Variants in PDZD2 observed in about 807,000 individuals in gnomAD.
PDZD2 encodes the protein PDZ domain containing 2, also known as PDZ domain-containing protein 2.
In PDZD2, 90 loss-of-function variants were observed where a neutral mutation model predicts 220.7. The observed-to-expected ratio is 0.41, with a 90% CI of 0.34 to 0.49. The LOEUF (loss-of-function observed/expected upper bound fraction) is 0.49. Ranked by LOEUF, PDZD2 falls within the 20% of genes least tolerant of loss-of-function variation. The pLI is 0.28. For synonymous variants in PDZD2, 1,375 were observed against 1,450.5 expected, an observed-to-expected ratio of 0.95 and a Z score of 1.18; for missense variants, 3,174 against 3,608.5, an observed-to-expected ratio of 0.88 and a Z score of 3.08.
chr5:31,894,145 A>G (rs957826554), intron 2 of PDZD2, among the ~76,000 whole-genome samples: 5 of 142,598 alleles, frequency 3.5e-5, no homozygotes, highest in African/African-American at 1.3e-4. Flanking sequence ...ACTCCTGACC[A>G]CAGGTGATCC....
At chr5:31,689,225 T>A (rs143405400) in intron 1 of PDZD2, among the ~76,000 whole-genome samples, 260 of 148,900 alleles carry the variant, frequency 1.7e-3, no homozygotes, top group Admixed American at 2.7e-3. Context: ...CTTGCCAGCA[T>A]GCCTGGCTAA....
At chr5:31,840,776 A>G (rs974115741) in intron 2 of PDZD2, 24 of 811,518 alleles carry the variant, frequency 3.0e-5, no homozygotes, top group Middle Eastern at 2.3e-4. Flanking sequence ...GCTGGGGAAC[A>G]TTGTAGACTC....
In PDZD2 at chr5:31,935,120, G is replaced by T. The variant is rs918801359; in HGVS notation, c.477-48035G>T. ...AAAAAAGAAAGAAAATAGAATGGCT[G>T]CAAGAAGTAAACAGAGGATGTTTGC... On this transcript the variant is annotated intron_variant, in intron 2 of 24. Coordinates refer to ENST00000438447, the MANE Select transcript of PDZD2 (RefSeq NM_178140.4). Among the ~76,000 whole-genome samples the T allele has an allele frequency of 7.9e-5, 12 of 151,684 alleles. No homozygotes were observed. In the South Asian group the frequency reaches 1.5e-3, roughly 18 times the overall value.
At chr5:31,980,894 G>T (rs1315188593) in intron 2 of PDZD2, among the ~76,000 whole-genome samples, 1 of 151,990 alleles carries the variant, frequency 6.6e-6, no homozygotes, top group Non-Finnish European at 1.5e-5. Context: ...AGCGATTCTC[G>T]TGCCTCAATT....
chr5:31,728,369 T>C (rs1277453576), intron 1 of PDZD2, among the ~76,000 whole-genome samples: 1 of 152,152 alleles, frequency 6.6e-6, no homozygotes, highest in African/African-American at 2.4e-5. Context: ...CATGTATTCC[T>C]GTGAATAAAT....
chr5:31,903,400 A>G (rs1054176356), intron 2 of PDZD2, among the ~76,000 whole-genome samples: 1 of 151,990 alleles, frequency 6.6e-6, no homozygotes, highest in Admixed American at 6.6e-5. Flanking sequence ...TAATCCAAAC[A>G]CTTTGGGAGG....
At chr5:31,770,469 T>C (rs1007969619) in intron 1 of PDZD2, among the ~76,000 whole-genome samples, 2 of 152,182 alleles carry the variant, frequency 1.3e-5, no homozygotes, top group East Asian at 1.9e-4. Context: ...TCATCCTGAG[T>C]AGCTGCCATC....
chr5:31,692,294 T>A (rs1678919), intron 1 of PDZD2, among the ~76,000 whole-genome samples: 1 of 152,002 alleles, frequency 6.6e-6, no homozygotes, highest in Non-Finnish European at 1.5e-5. Flanking sequence ...ACTCGGAACT[T>A]GCGCTGGCCC....
chr5:32,089,577 CG>C lies in PDZD2; in HGVS notation c.6131del (p.Gly2044AlafsTer35). On this transcript the variant is annotated frameshift_variant, in exon 20 of 25. Transcript: ENST00000438447. LOFTEE classifies it high-confidence loss of function. ...GPVSPAASRN[G>X]MSVAGNRQSE... ...CGGTGAGTCCGGCAGCGTCTAGGAA[CG>C]GCATGTCCGTGGCAGGGAACAGACA... is the stretch of plus-strand genomic sequence containing the variant. 6.2e-7 allele frequency: 1 copy of C among 1,612,444 alleles called. No individual in the cohort carries two copies. Among genetic ancestry groups the C allele is most frequent in the Non-Finnish European group, 8.5e-7 (1 of 1,180,018 alleles).
rs70957998 is a variant in PDZD2, at chr5:32,025,591, C to CTTTTTTTT, written c.1408-11619_1408-11612dup. On this transcript the variant is annotated intron_variant, in intron 6 of 24. Coordinates refer to ENST00000438447, the MANE Select transcript of PDZD2 (RefSeq NM_178140.4). The stretch of plus-strand genomic sequence containing the variant: ...AGTGAGCCCAAATGTAACCATGATG[C>CTTTTTTTT]TTTTTTTTTTTTTTTTTTTTTTTTT... Among the ~76,000 whole-genome samples, 92 of 67,514 alleles carry CTTTTTTTT rather than the reference C, an allele frequency of 1.4e-3. 13 individuals carry two copies. The highest frequency in any genetic ancestry group is 2.2e-3 in the African/African-American group (34 of 15,244). The allele number at this position is 67,514 out of a possible 152,430, so 44.3% of individuals were successfully genotyped here.
intron 12 of PDZD2, among the ~76,000 whole-genome samples, chr5:32,058,354 C>A: frequency 6.9e-6 from 1 of 144,370 alleles, no homozygotes; most frequent in Non-Finnish European, 1.5e-5. Flanking sequence ...GGGTCAGAGG[C>A]TTGTGTTTAA....
intron 1 of PDZD2, among the ~76,000 whole-genome samples, chr5:31,653,831 C>G (rs1334855358): frequency 6.6e-6 from 1 of 152,174 alleles, no homozygotes; most frequent in Non-Finnish European, 1.5e-5. Context: ...GTCACTCAGG[C>G]TGGAGTGCAG....
chr5:31,961,801 G>T (rs902210047), intron 2 of PDZD2, among the ~76,000 whole-genome samples: 6 of 152,172 alleles, frequency 3.9e-5, no homozygotes, highest in Non-Finnish European at 7.4e-5. Flanking sequence ...CCACCACCAC[G>T]CCTGGCTAAT....
chr5:32,007,745 G>C (rs1441382035), intron 5 of PDZD2, among the ~76,000 whole-genome samples: 1 of 152,178 alleles, frequency 6.6e-6, no homozygotes, highest in African/African-American at 2.4e-5. Context: ...CAACGCAAAG[G>C]ACTGAGAGAA....
At position 32,087,936 on chromosome 5, in the gene PDZD2, A is replaced by G. The variant is rs377379756; in HGVS notation, c.4488A>G (p.Gln1496=). The change falls in exon 20 of 25, where the codon CAA becomes CAG. Residue 1496 remains glutamine, a synonymous_variant. Coordinates refer to ENST00000438447, the MANE Select transcript of PDZD2 (RefSeq NM_178140.4). This position sits in a 1 kb window ranked among gnomAD's most constrained non-coding sequence, Gnocchi z 4.0. ...CTGCTGGTGCCCCCGCCTACCCACA[A>G]TGGGCCTCCCAGCCTTCGGTTTTAG... ...AWAAGAPAYP[Q]WASQPSVLDS... The G allele has an allele frequency of 1.3e-4, 216 of 1,613,846 alleles. No individual in the cohort carries two copies. The highest frequency in any genetic ancestry group is 3.3e-4 in the Admixed American group (20 of 60,016).
chr5:31,950,789 G>T (rs1157082967), intron 2 of PDZD2, among the ~76,000 whole-genome samples: 1 of 152,134 alleles, frequency 6.6e-6, no homozygotes, highest in Non-Finnish European at 1.5e-5. Context: ...CCCAGTCTCT[G>T]GCAACCATGA....
intron 2 of PDZD2, among the ~76,000 whole-genome samples, chr5:31,947,200 G>GACCAGGTTCTATGTGTA (rs1414601860): frequency 1.3e-5 from 2 of 152,218 alleles, no homozygotes; most frequent in Non-Finnish European, 2.9e-5. Context: ...AGTCTACAAA[G>GACCAGGTTCTATGTGTA]ACCAGGTTCT....
chr5:31,842,964 C>G (rs976526806), intron 2 of PDZD2, among the ~76,000 whole-genome samples: 3 of 152,090 alleles, frequency 2.0e-5, no homozygotes, highest in Non-Finnish European at 4.4e-5. Flanking sequence ...TCACTGCCAC[C>G]TCTGCCTCCT....
chr5:32,068,804 C>T (rs1740456383), intron 14 of PDZD2, among the ~76,000 whole-genome samples: 1 of 151,682 alleles, frequency 6.6e-6, no homozygotes, highest in South Asian at 2.1e-4. Flanking sequence ...GCAACTTACT[C>T]ACAAATGGTT....
Sources: allele counts gnomAD v4.1 joint callset (sites outside exome capture counted in the v4.1 genomes callset), GRCh38; gene constraint gnomAD v4.1.1; non-coding constraint Gnocchi (gnomAD v3.1); transcripts MANE v1.5; gene names NCBI Gene and HGNC (gene_info 2026-07-23, HGNC 2026-07-21).